The following SPSB1 variants were observed in gnomAD, a reference collection of about 807,000 sequenced individuals.
The protein encoded by SPSB1 is splA/ryanodine receptor domain and SOCS box containing 1.
SPSB1 carries 8 observed loss-of-function variants against 21.2 expected under a neutral mutation model. That is an observed-to-expected ratio of 0.38 (90% CI 0.22 to 0.68). The LOEUF (loss-of-function observed/expected upper bound fraction) is 0.68, where lower values mean the gene tolerates loss of function less well. SPSB1 is among the 30% of genes least tolerant of loss of function. SPSB1 has a pLI of 0.53. For missense variants in SPSB1, 242 were observed against 377.8 expected, an observed-to-expected ratio of 0.64 and a Z score of 2.98; for synonymous variants, 169 against 161.7, an observed-to-expected ratio of 1.05 and a Z score of -0.34.
At chr1:9,330,280 C>A (rs1322879403) in intron 1 of SPSB1, among the ~76,000 whole-genome samples, 1 of 152,120 alleles carries the variant, frequency 6.6e-6, no homozygotes, top group Non-Finnish European at 1.5e-5. Context: ...CCAGCCTGGG[C>A]AACACGGTGA....
chr1:9,337,550 G>A (rs76473395), intron 1 of SPSB1, among the ~76,000 whole-genome samples: 10,712 of 152,158 alleles, frequency 0.07, 442 homozygotes, highest in South Asian at 0.16. Flanking sequence ...CCCTAACCTC[G>A]CACCCCAGCC....
At chr1:9,352,177 C>T (rs1161592265) in intron 1 of SPSB1, among the ~76,000 whole-genome samples, 9 of 152,208 alleles carry the variant, frequency 5.9e-5, no homozygotes, top group Non-Finnish European at 1.2e-4. Flanking sequence ...TGCTAGGCCA[C>T]CTGAGGTGCT....
rs1242083358 is a variant in SPSB1 at position 9,348,653 on chromosome 1, CT to C, written c.-149-7088del. ...AGGGATTTGCGAGGTTCTTTTCTTC[CT>C]TCCTACTAAGATCTGGGGCCCCCAG... On this transcript the variant is annotated intron_variant, in intron 1 of 2. Transcript: ENST00000328089. This position sits in a 1 kb window ranked among gnomAD's most constrained non-coding sequence, Gnocchi z 4.8. 6.6e-6 allele frequency among the ~76,000 whole-genome samples: 1 copy of C among 152,142 alleles called. No individual in the cohort carries two copies. Among genetic ancestry groups the C allele is most frequent in the Admixed American group, 6.5e-5 (1 of 15,282 alleles).
chr1:9,298,763 G>A (rs1639268022), intron 1 of SPSB1, among the ~76,000 whole-genome samples: 1 of 152,126 alleles, frequency 6.6e-6, no homozygotes, highest in Admixed American at 6.5e-5. Flanking sequence ...GGTGGCTCCC[G>A]TGGATCCCTG....
At chr1:9,353,284 G>A (rs1329670674) in intron 1 of SPSB1, among the ~76,000 whole-genome samples, 2 of 152,040 alleles carry the variant, frequency 1.3e-5, no homozygotes, top group Non-Finnish European at 2.9e-5. Context: ...GGAATTCAGG[G>A]AAGGCCACAC....
At chr1:9,359,190 G>A (rs908864292) in intron 2 of SPSB1, among the ~76,000 whole-genome samples, 2 of 152,148 alleles carry the variant, frequency 1.3e-5, no homozygotes, top group Non-Finnish European at 2.9e-5. Context: ...GACATGAATG[G>A]GCCCTGGGCC....
rs531025739 is a variant in SPSB1, at chr1:9,324,965, C to T, written c.-149-30778C>T. ...GCCTGGCGGGCTGGTGGATCGGAGGCGCCTGTGAGCGGGTCAGTACTGGGT... is the reference window on the plus strand; with the variant it reads ...GCCTGGCGGGCTGGTGGATCGGAGGTGCCTGTGAGCGGGTCAGTACTGGGT... On this transcript the variant is annotated intron_variant, in intron 1 of 2. Coordinates refer to ENST00000328089, the MANE Select transcript of SPSB1 (RefSeq NM_025106.4). This position sits in a 1 kb window ranked among gnomAD's most constrained non-coding sequence, Gnocchi z 4.3. Among the ~76,000 whole-genome samples the T allele has an allele frequency of 1.1e-4, 16 of 152,278 alleles. No individual in the cohort carries two copies. Among genetic ancestry groups the T allele is most frequent in the Non-Finnish European group, 1.9e-4 (13 of 68,006 alleles).
intron 1 of SPSB1, among the ~76,000 whole-genome samples, chr1:9,296,344 G>A (rs1243409422): frequency 1.3e-5 from 2 of 152,146 alleles, no homozygotes; most frequent in South Asian, 2.1e-4. Flanking sequence ...GCCAAAACTC[G>A]AATCCAGACT....
At chr1:9,296,832 C>T (rs544536804) in intron 1 of SPSB1, among the ~76,000 whole-genome samples, 1 of 152,320 alleles carries the variant, frequency 6.6e-6, no homozygotes, top group South Asian at 2.1e-4. Flanking sequence ...GATGGCAAAA[C>T]CCAACAGCAC....
chr1:9,302,805 A>G (rs891469494), intron 1 of SPSB1, among the ~76,000 whole-genome samples: 1 of 152,076 alleles, frequency 6.6e-6, no homozygotes, highest in African/African-American at 2.4e-5. Context: ...CATCCAATAT[A>G]TGGTGCTGGT....
rs1639160929 is a variant in SPSB1, at chr1:9,293,765, T to C, written c.-150+694T>C. ...CACCGTCCCCGGGCGTGTACTGGGC[T>C]CGGTGGCGTCCAGGTTCCGGTGAGG... On this transcript the variant is annotated intron_variant, in intron 1 of 2. Transcript: ENST00000328089. The surrounding 1 kb of genome is among the most constrained non-coding windows in gnomAD (Gnocchi z 5.1). Among the ~76,000 whole-genome samples the C allele has an allele frequency of 6.6e-6, 1 of 151,914 alleles. No individual in the cohort carries two copies. The highest frequency in any genetic ancestry group is 1.5e-5 in the Non-Finnish European group (1 of 67,904).
chr1:9,350,033 A>T (rs905746905), intron 1 of SPSB1, among the ~76,000 whole-genome samples: 1 of 152,020 alleles, frequency 6.6e-6, no homozygotes, highest in Non-Finnish European at 1.5e-5. Context: ...ACACATGAAG[A>T]CACACCACAC....
intron 2 of SPSB1, among the ~76,000 whole-genome samples, chr1:9,366,577 CTT>C (rs35877709): frequency 1.5e-4 from 20 of 135,474 alleles, no homozygotes; most frequent in Non-Finnish European, 1.7e-4. Context: ...GTCCTCAGTT[CTT>C]TTTTTTTTTT....
chr1:9,333,528 G>A (rs1316429335), intron 1 of SPSB1, among the ~76,000 whole-genome samples: 3 of 150,514 alleles, frequency 2.0e-5, no homozygotes, highest in East Asian at 3.9e-4. Flanking sequence ...ACGGGGTTTC[G>A]CCATGTTGGG....
intron 2 of SPSB1, among the ~76,000 whole-genome samples, chr1:9,358,232 C>T (rs1371926049): frequency 6.6e-6 from 1 of 152,210 alleles, no homozygotes; most frequent in Non-Finnish European, 1.5e-5. Context: ...CCCCGCCCCT[C>T]TTTCTCTTGG....
intron 1 of SPSB1, among the ~76,000 whole-genome samples, chr1:9,330,894 G>T (rs564291033): frequency 2.0e-5 from 3 of 151,668 alleles, no homozygotes; most frequent in Non-Finnish European, 4.4e-5. Flanking sequence ...CAAGGGTTCC[G>T]GTTTCTCCAC....
intron 1 of SPSB1, among the ~76,000 whole-genome samples, chr1:9,309,261 G>GGGGAGAGAGAGA (rs1491287377): frequency 6.8e-6 from 1 of 147,146 alleles, no homozygotes; most frequent in African/African-American, 2.6e-5. Flanking sequence ...GCTCCCCTGC[G>GGGGAGAGAGAGA]GAGAGAGAGA....
chr1:9,344,669 CTTCTTA>C (rs113224685), intron 1 of SPSB1, among the ~76,000 whole-genome samples: 7,353 of 152,104 alleles, frequency 0.048, 254 homozygotes, highest in African/African-American at 0.093. Flanking sequence ...GAACGCTGCC[CTTCTTA>C]TTCTTATTCC....
chr1:9,335,925 C>T (rs1342603758), intron 1 of SPSB1, among the ~76,000 whole-genome samples: 2 of 152,166 alleles, frequency 1.3e-5, no homozygotes, highest in Admixed American at 1.3e-4. Flanking sequence ...CGATAGCTAC[C>T]ACCTAATGCA....
Sources: gnomAD v4.1 joint callset for allele counts (sites outside exome capture counted in the v4.1 genomes callset) on GRCh38, gnomAD v4.1.1 for gene constraint, Gnocchi (gnomAD v3.1) non-coding constraint, MANE v1.5 for transcripts, NCBI Gene and HGNC (gene_info 2026-07-23, HGNC 2026-07-21) for gene names.